Variants in SLC2A13 observed in about 807,000 individuals in gnomAD.
SLC2A13 encodes proton myo-inositol cotransporter.
Under a neutral mutation model 64.4 loss-of-function variants are expected in SLC2A13, and 32 were observed. That is an observed-to-expected ratio of 0.50 (90% CI 0.37 to 0.67). SLC2A13 has a LOEUF of 0.67. SLC2A13 is among the 30% of genes least tolerant of loss of function. SLC2A13 has a pLI of 0.00. For missense variants in SLC2A13, 743 were observed against 829.2 expected, an observed-to-expected ratio of 0.90 and a Z score of 1.28; for synonymous variants, 338 against 327.1, an observed-to-expected ratio of 1.03 and a Z score of -0.36.
At chr12:39,886,109 A>G (rs1174364803) in intron 4 of SLC2A13, among the ~76,000 whole-genome samples, 8 of 152,208 alleles carry the variant, frequency 5.3e-5, no homozygotes, top group African/African-American at 1.9e-4. Flanking sequence ...AGACCTTTCA[A>G]TTGACAGAGA....
At chr12:39,767,183 G>T (rs1940386165) in intron 7 of SLC2A13, among the ~76,000 whole-genome samples, 1 of 151,964 alleles carries the variant, frequency 6.6e-6, no homozygotes, top group Non-Finnish European at 1.5e-5. Flanking sequence ...TTGATCCATG[G>T]GCTGCAGAAT....
rs180766261 is a variant in SLC2A13, at chr12:39,782,741, A to G, written c.1446-17883T>C. Among the ~76,000 whole-genome samples, 465 of 152,298 alleles carry G rather than the reference A, an allele frequency of 3.1e-3. 1 individual carries two copies. Among genetic ancestry groups the G allele is most frequent in the African/African-American group, 0.011 (440 of 41,546 alleles). ...AATGTGGGAAAATTTGGAACATCCTAAAGACATGTTGAATGGCTTTGACAA... is the reference window on the plus strand; with the variant it reads ...AATGTGGGAAAATTTGGAACATCCTGAAGACATGTTGAATGGCTTTGACAA... On this transcript the variant is annotated intron_variant, in intron 7 of 9. Transcript: ENST00000280871.
intron 7 of SLC2A13, among the ~76,000 whole-genome samples, chr12:39,803,210 A>AAC (rs929815716): frequency 6.6e-6 from 1 of 151,958 alleles, no homozygotes; most frequent in Non-Finnish European, 1.5e-5. Context: ...AATGCAAAAA[A>AAC]AAAAAAAAAA....
In SLC2A13 at chr12:39,757,121, T is replaced by C. The variant is rs4322461; in HGVS notation, c.*2905A>G. On this transcript the variant is annotated 3_prime_UTR_variant, in exon 10 of 10. Coordinates refer to ENST00000280871, the MANE Select transcript of SLC2A13 (RefSeq NM_052885.4). The stretch of plus-strand genomic sequence containing the variant: ...CATCACATTCAGCCCTATGTGTTTA[T>C]ATGCAGATGAAATGATATATCCTCT... The C allele has an allele frequency of 0.83, 125,183 of 151,686 alleles. 51,849 individuals are homozygous for C. The highest frequency in any genetic ancestry group is 0.84 in the African/African-American group (34,863 of 41,440). 9.4% of individuals were successfully genotyped at this position (151,686 alleles called of 1,614,324 possible).
intron 7 of SLC2A13, among the ~76,000 whole-genome samples, chr12:39,799,214 C>T (rs1452316356): frequency 1.4e-5 from 2 of 147,392 alleles, no homozygotes; most frequent in Non-Finnish European, 3.0e-5. Context: ...CTTGGACTCT[C>T]GAGTAGCTGG....
intron 3 of SLC2A13, among the ~76,000 whole-genome samples, chr12:39,963,835 T>C (rs1328160514): frequency 2.0e-5 from 3 of 152,198 alleles, no homozygotes; most frequent in East Asian, 1.9e-4. Flanking sequence ...TAAGTACTAA[T>C]GAGAATTAGA....
intron 7 of SLC2A13, among the ~76,000 whole-genome samples, chr12:39,807,649 G>C (rs190314213): frequency 6.6e-6 from 1 of 152,112 alleles, no homozygotes; most frequent in East Asian, 1.9e-4. Context: ...GATTAAAATG[G>C]ATACATGATT....
At chr12:39,845,217 C>G (rs573497442) in intron 6 of SLC2A13, among the ~76,000 whole-genome samples, 73 of 151,856 alleles carry the variant, frequency 4.8e-4, no homozygotes, top group Non-Finnish European at 9.1e-4. Context: ...AGTGAGCACT[C>G]TATATTTTTT....
At chr12:39,935,749 G>C (rs561493060) in intron 4 of SLC2A13, among the ~76,000 whole-genome samples, 20 of 152,302 alleles carry the variant, frequency 1.3e-4, no homozygotes, top group Non-Finnish European at 2.9e-4. Flanking sequence ...TTTAGGGTAA[G>C]CTAGCTATTT....
chr12:40,075,062 A>AAAAAC (rs1176590924), intron 1 of SLC2A13, among the ~76,000 whole-genome samples: 1 of 152,178 alleles, frequency 6.6e-6, no homozygotes, highest in Non-Finnish European at 1.5e-5. Context: ...GACCTCATTT[A>AAAAAC]AAAACAAAAC....
chr12:39,811,960 G>A (rs1050967728), intron 7 of SLC2A13, among the ~76,000 whole-genome samples: 1 of 152,070 alleles, frequency 6.6e-6, no homozygotes, highest in Non-Finnish European at 1.5e-5. Context: ...AATAGAGTTG[G>A]TTTAAATCTC....
chr12:40,093,105 T>C (rs1938822070), intron 1 of SLC2A13, among the ~76,000 whole-genome samples: 2 of 152,270 alleles, frequency 1.3e-5, no homozygotes, highest in Admixed American at 1.3e-4. Flanking sequence ...AACTTTTGTT[T>C]GTTTAGGTTC....
chr12:40,061,030 T>A (rs1035533493), intron 1 of SLC2A13, among the ~76,000 whole-genome samples: 2 of 152,090 alleles, frequency 1.3e-5, no homozygotes, highest in Non-Finnish European at 2.9e-5. Context: ...TAACTTCAGA[T>A]TTTGTTATGT....
intron 3 of SLC2A13, among the ~76,000 whole-genome samples, chr12:39,980,112 C>A (rs981922146): frequency 1.3e-5 from 2 of 151,766 alleles, no homozygotes; most frequent in Non-Finnish European, 2.9e-5. Flanking sequence ...ACTTTATAGA[C>A]AAGCAAATGC....
In SLC2A13 at chr12:39,778,100, T is replaced by G. The variant is rs11173537; in HGVS notation, c.1446-13242A>C. Reference sequence around the variant, plus strand: ...CCATCTGTATGCTCCCCTAGAGGTTTGAGCAGCAGGGCGGTGAAGAAGTGA... The same window carrying G: ...CCATCTGTATGCTCCCCTAGAGGTTGGAGCAGCAGGGCGGTGAAGAAGTGA... On this transcript the variant is annotated intron_variant, in intron 7 of 9. Transcript: ENST00000280871. Among the ~76,000 whole-genome samples, 251 of 152,220 alleles carry G rather than the reference T, an allele frequency of 1.6e-3. 4 individuals carry two copies. In the East Asian group the frequency reaches 0.036, roughly 22 times the overall value.
chr12:39,786,265 T>A (rs1941182680), intron 7 of SLC2A13, among the ~76,000 whole-genome samples: 1 of 152,142 alleles, frequency 6.6e-6, no homozygotes, highest in African/African-American at 2.4e-5. Context: ...ATCCTCGTGA[T>A]AGCGAATAAG....
intron 7 of SLC2A13, among the ~76,000 whole-genome samples, chr12:39,808,901 A>G (rs963216110): frequency 2.0e-5 from 3 of 152,204 alleles, no homozygotes; most frequent in Admixed American, 1.3e-4. Context: ...TTCAAAGAGT[A>G]GACAATTTTA....
intron 3 of SLC2A13, among the ~76,000 whole-genome samples, chr12:39,987,064 T>C (rs1377661828): frequency 6.6e-6 from 1 of 152,220 alleles, no homozygotes; most frequent in Non-Finnish European, 1.5e-5. Flanking sequence ...CTTTAAGCTA[T>C]AACCTTTTAG....
At chr12:40,042,761 G>A (rs1393579774) in intron 2 of SLC2A13, among the ~76,000 whole-genome samples, 1 of 152,086 alleles carries the variant, frequency 6.6e-6, no homozygotes, top group Non-Finnish European at 1.5e-5. Flanking sequence ...AAATGAATGA[G>A]AGGAGATAGA....
Sources: gnomAD v4.1 joint callset for allele counts (sites outside exome capture counted in the v4.1 genomes callset) on GRCh38, gnomAD v4.1.1 for gene constraint, MANE v1.5 for transcripts, NCBI Gene and HGNC (gene_info 2026-07-23, HGNC 2026-07-21) for gene names.